ZSCAN5A: variants seen among roughly 807,000 people sequenced by gnomAD.
ZSCAN5A encodes zinc finger and SCAN domain-containing protein 5A.
ZSCAN5A carries 12 observed loss-of-function variants against 23.7 expected under a neutral mutation model. The ratio of observed to expected loss-of-function variants is 0.51; its 90% CI spans 0.32 to 0.82. The LOEUF (loss-of-function observed/expected upper bound fraction) is 0.82. ZSCAN5A is among the 40% of genes least tolerant of loss of function. The probability of loss-of-function intolerance (pLI) is 0.03; values close to 1 mark genes in which losing one functional copy is unlikely to be tolerated. For missense variants in ZSCAN5A, 597 were observed against 617.9 expected (o/e 0.97, Z 0.36); for synonymous variants, 257 against 239.9 (o/e 1.07, Z -0.66).
At chr19:56,348,245 T>C (rs1418628708) in intron 2 of ZSCAN5A, 1 of 152,106 alleles carries the variant, frequency 6.6e-6, no homozygotes, top group Non-Finnish European at 1.5e-5. Flanking sequence ...CTCTCTGTCT[T>C]CTCCTCTCTA....
chr19:56,258,040 G>C (rs575064651), intron 2 of ZSCAN5A, among the ~76,000 whole-genome samples: 13 of 67,192 alleles, frequency 1.9e-4, no homozygotes, highest in East Asian at 5.2e-4. Context: ...ACCACTGCCC[G>C]ATCTTCTTAG....
chr19:56,290,989 C>T (rs908164072), intron 2 of ZSCAN5A, among the ~76,000 whole-genome samples: 1 of 152,162 alleles, frequency 6.6e-6, no homozygotes, highest in African/African-American at 2.4e-5. Flanking sequence ...TCTGCTGCTC[C>T]CCTCTCTGAA....
intron 2 of ZSCAN5A, among the ~76,000 whole-genome samples, chr19:56,311,677 A>T (rs901927121): frequency 1.3e-5 from 2 of 152,168 alleles, no homozygotes; most frequent in African/African-American, 2.4e-5. Context: ...ATATATATAT[A>T]TTTTTAAGTT....
At chr19:56,345,369 C>T (rs999335116) in intron 2 of ZSCAN5A, among the ~76,000 whole-genome samples, 5 of 152,082 alleles carry the variant, frequency 3.3e-5, no homozygotes, top group South Asian at 2.1e-4. Context: ...ATTAGACATG[C>T]GGAAAGAAGT....
intron 2 of ZSCAN5A, among the ~76,000 whole-genome samples, chr19:56,355,109 A>G (rs2041693474): frequency 8.0e-6 from 1 of 124,546 alleles, no homozygotes; most frequent in Non-Finnish European, 1.7e-5. Flanking sequence ...TCTATTGAGG[A>G]TAGTAATCAT....
chr19:56,354,639 T>C (rs1315019556), intron 2 of ZSCAN5A: 1 of 152,162 alleles, frequency 6.6e-6, no homozygotes, highest in African/African-American at 2.4e-5. Flanking sequence ...AATCTGTTGT[T>C]CCCTGGGATC....
chr19:56,246,935 G>C (rs569402814), intron 2 of ZSCAN5A: 1 of 1,581,556 alleles, frequency 6.3e-7, no homozygotes, highest in Non-Finnish European at 8.7e-7. Flanking sequence ...CCTCAAGGAG[G>C]AGCCACACCT....
chr19:56,276,777 T>C (rs184663851), intron 2 of ZSCAN5A, among the ~76,000 whole-genome samples: 3 of 152,140 alleles, frequency 2.0e-5, no homozygotes, highest in African/African-American at 7.2e-5. Flanking sequence ...CCTCAGGTGA[T>C]CCGCCCACCT....
intron 2 of ZSCAN5A, among the ~76,000 whole-genome samples, chr19:56,332,344 T>C (rs2041497237): frequency 6.6e-6 from 1 of 152,234 alleles, no homozygotes; most frequent in Non-Finnish European, 1.5e-5. Flanking sequence ...GGTACTCTAA[T>C]GTGGGGTACG....
chr19:56,222,353 GT>G, intron 5 of ZSCAN5A, 27 bp from the exon 6 acceptor site: 1 of 1,603,860 alleles, frequency 6.2e-7, no homozygotes, highest in South Asian at 1.1e-5. Context: ...CACACACACA[GT>G]TAATAAAGCG....
chr19:56,278,245 C>T (rs973082022), intron 2 of ZSCAN5A, among the ~76,000 whole-genome samples: 39 of 152,186 alleles, frequency 2.6e-4, no homozygotes, highest in Admixed American at 1.0e-3. Context: ...CCTCAGCATC[C>T]GAAGTAGCCT....
intron 2 of ZSCAN5A, among the ~76,000 whole-genome samples, chr19:56,249,224 A>G (rs944411689): frequency 5.9e-5 from 9 of 152,298 alleles, no homozygotes; most frequent in Middle Eastern, 3.4e-3. Context: ...CAGAGCTTCC[A>G]GTTTAGTAGA....
At chr19:56,287,049 AT>A (rs1429198599) in intron 2 of ZSCAN5A, among the ~76,000 whole-genome samples, 10 of 152,238 alleles carry the variant, frequency 6.6e-5, no homozygotes, top group Non-Finnish European at 1.3e-4. Context: ...GTGAAAGTGG[AT>A]TTGACTCCTT....
chr19:56,256,742 G>A (rs1217674507), intron 2 of ZSCAN5A, among the ~76,000 whole-genome samples: 1 of 152,164 alleles, frequency 6.6e-6, no homozygotes, highest in Non-Finnish European at 1.5e-5. Flanking sequence ...GGGACCAGTG[G>A]GCAGGTCACC....
intron 5 of ZSCAN5A, 98 bp downstream of exon 5, chr19:56,222,493 G>C: frequency 6.4e-7 from 1 of 1,555,968 alleles, no homozygotes; most frequent in Non-Finnish European, 8.7e-7. Context: ...TTTGACAGCT[G>C]AGTGCCAACT....
At chr19:56,265,614 T>C (rs1387892093) in intron 2 of ZSCAN5A, among the ~76,000 whole-genome samples, 1 of 151,810 alleles carries the variant, frequency 6.6e-6, no homozygotes, top group Non-Finnish European at 1.5e-5. Context: ...GAGAAATCAC[T>C]GGAAGGAACT....
chr19:56,245,334 C>T, intron 2 of ZSCAN5A: 1 of 749,326 alleles, frequency 1.3e-6, no homozygotes, highest in Non-Finnish European at 2.5e-6. Flanking sequence ...AGCCAGCGGG[C>T]CTCCTCTGTG....
chr19:56,343,032 T>A, intron 2 of ZSCAN5A: 1 of 815,044 alleles, frequency 1.2e-6, no homozygotes, highest in Non-Finnish European at 2.2e-6. Flanking sequence ...AAGTCTTCTT[T>A]CCCCCAGAAC....
intron 2 of ZSCAN5A, among the ~76,000 whole-genome samples, chr19:56,227,897 A>G (rs1259691863): frequency 6.6e-6 from 1 of 152,234 alleles, no homozygotes; most frequent in South Asian, 2.1e-4. Context: ...CTGCAAAAAA[A>G]AAATTAAAAA....
Sources: allele counts gnomAD v4.1 joint callset (sites outside exome capture counted in the v4.1 genomes callset), GRCh38; gene constraint gnomAD v4.1.1; transcripts MANE v1.5; gene names NCBI Gene and HGNC (gene_info 2026-07-23, HGNC 2026-07-21).